The following PTPRQ variants were observed in gnomAD, a reference collection of about 807,000 sequenced individuals.
The protein encoded by PTPRQ is phosphatidylinositol phosphatase PTPRQ.
Under a neutral mutation model 246.0 loss-of-function variants are expected in PTPRQ, and 199 were observed. The ratio of observed to expected loss-of-function variants is 0.81; its 90% CI spans 0.72 to 0.91. The LOEUF (loss-of-function observed/expected upper bound fraction) is 0.91, where lower values mean the gene tolerates loss of function less well. PTPRQ is among the 40% of genes least tolerant of loss of function. The probability of loss-of-function intolerance (pLI) is 0.00; values close to 1 mark genes in which losing one functional copy is unlikely to be tolerated. For synonymous variants in PTPRQ, 869 were observed against 853.2 expected (o/e 1.02, Z -0.32); for missense variants, 2,624 against 2,528.4 (o/e 1.04, Z -0.81).
intron 39 of PTPRQ, among the ~76,000 whole-genome samples, chr12:80,659,119 A>C (rs1900545730): frequency 6.6e-6 from 1 of 152,084 alleles, no homozygotes; most frequent in South Asian, 2.1e-4. Context: ...AGAGAAGTGA[A>C]GGAAAGTTTA....
At chr12:80,523,270 C>T (rs1327197364) in intron 17 of PTPRQ, among the ~76,000 whole-genome samples, 1 of 152,164 alleles carries the variant, frequency 6.6e-6, no homozygotes, top group East Asian at 1.9e-4. Context: ...CTTTATTAGT[C>T]TTGCTAGTGG....
chr12:80,588,093 T>C (rs1406239744), intron 25 of PTPRQ, 36 bp from the exon 26 acceptor site: 2 of 1,481,966 alleles, frequency 1.3e-6, no homozygotes, highest in East Asian at 4.9e-5. Context: ...TGTTTGGTAA[T>C]TGTAACTGCT....
intron 25 of PTPRQ, chr12:80,561,606 G>A (rs894527988): frequency 3.3e-5 from 5 of 151,954 alleles, no homozygotes; most frequent in African/African-American, 1.2e-4. Flanking sequence ...TGATATGACT[G>A]CCTGCACAGC....
At chr12:80,507,461 T>G (rs1472066154) in intron 16 of PTPRQ, among the ~76,000 whole-genome samples, 1 of 151,886 alleles carries the variant, frequency 6.6e-6, no homozygotes. Flanking sequence ...TTCTTTCAAG[T>G]TTCCCCATCT....
rs545795030 is a variant in PTPRQ, at chr12:80,506,772, C to G, written c.2557+102C>G. 7.1e-5 allele frequency: 69 copies of G among 973,816 alleles called. No individual in the cohort carries two copies. The African/African-American group carries it at 1.0e-3, about 14-fold the overall frequency. The allele number at this position is 973,816 out of a possible 1,614,324, so 60.3% of individuals were successfully genotyped here. Reference sequence around the variant, plus strand: ...TAAAAACTCCTCTAGTCATGGGTATCAGTTGTGTACCATACCAGCGTTATA... The same window carrying G: ...TAAAAACTCCTCTAGTCATGGGTATGAGTTGTGTACCATACCAGCGTTATA... On this transcript the variant is annotated intron_variant, in intron 16 of 44. Coordinates refer to ENST00000644991, the MANE Select transcript of PTPRQ (RefSeq NM_001145026.2).
At chr12:80,640,483 A>C (rs1004196044) in intron 35 of PTPRQ, among the ~76,000 whole-genome samples, 6 of 152,192 alleles carry the variant, frequency 3.9e-5, no homozygotes, top group Non-Finnish European at 8.8e-5. Flanking sequence ...CTTAGAATGA[A>C]ATTGGAGATA....
chr12:80,559,643 TATAAATATTCCAGA>T (rs993954915), intron 25 of PTPRQ, among the ~76,000 whole-genome samples: 1 of 152,232 alleles, frequency 6.6e-6, no homozygotes, highest in Non-Finnish European at 1.5e-5. Flanking sequence ...ACTCTTCAGA[TATAAATATTCCAGA>T]ATTTCTCTTA....
chr12:80,464,228 G>C lies in PTPRQ; in HGVS notation c.910+3326G>C, dbSNP rs1381234743. On this transcript the variant is annotated intron_variant, in intron 6 of 44. Coordinates refer to ENST00000644991, the MANE Select transcript of PTPRQ (RefSeq NM_001145026.2). ...GGCAGGGGTTGCAATCCTAGTCTCT[G>C]ATAAAACAGACTTTAAACCAACAAA... 6.4e-5 allele frequency among the ~76,000 whole-genome samples: 9 copies of C among 141,356 alleles called. No individual in the cohort carries two copies. The Admixed American group carries it at 6.5e-4, about 10-fold the overall frequency. 92.7% of individuals were successfully genotyped at this position (141,356 alleles called of 152,430 possible). A position where few individuals can be genotyped will look rare whatever the true frequency, so the allele number is the denominator to read the frequency against.
At chr12:80,508,672 TTA>T (rs1895037658) in intron 16 of PTPRQ, among the ~76,000 whole-genome samples, 1 of 152,108 alleles carries the variant, frequency 6.6e-6, no homozygotes, top group Non-Finnish European at 1.5e-5. Context: ...AGATTGTATT[TTA>T]GAATACATGT....
intron 33 of PTPRQ, among the ~76,000 whole-genome samples, chr12:80,629,161 C>A (rs1282937538): frequency 3.4e-5 from 5 of 148,198 alleles, no homozygotes; most frequent in Non-Finnish European, 7.5e-5. Flanking sequence ...GGCACACACA[C>A]ACACACACAC....
chr12:80,506,179 A>G lies in PTPRQ; in HGVS notation c.2428A>G (p.Thr810Ala). The change falls in exon 15 of 45, where the codon ACA (threonine) becomes GCA (alanine). Residue 810 changes from threonine to alanine, a missense_variant. Transcript: ENST00000644991. ...SNGNEERTINTTSLTQNIKVL... is the reference protein window; with the variant it reads ...SNGNEERTINATSLTQNIKVL... ...TGGAAATGAGGAAAGAACTATAAATACAACCTCTTTAACCCAAAACATTAA... is the reference window on the plus strand; with the variant it reads ...TGGAAATGAGGAAAGAACTATAAATGCAACCTCTTTAACCCAAAACATTAA... 6.6e-7 allele frequency: 1 copy of G among 1,512,744 alleles called. No individual in the cohort carries two copies. The highest frequency in any genetic ancestry group is 1.3e-5 in the South Asian group (1 of 74,146). 93.7% of individuals were successfully genotyped at this position (1,512,744 alleles called of 1,614,324 possible).
intron 39 of PTPRQ, among the ~76,000 whole-genome samples, chr12:80,667,082 TA>T (rs1366723231): frequency 6.6e-6 from 1 of 151,988 alleles, no homozygotes; most frequent in African/African-American, 2.4e-5. Flanking sequence ...TTTTAGGACC[TA>T]AAGCACCACT....
chr12:80,646,293 G>T (rs1455341357), intron 35 of PTPRQ, among the ~76,000 whole-genome samples: 1 of 152,092 alleles, frequency 6.6e-6, no homozygotes, highest in African/African-American at 2.4e-5. Flanking sequence ...CTGAGGCACA[G>T]AAAAATTAAG....
At chr12:80,652,986 T>C (rs936360119) in intron 38 of PTPRQ, among the ~76,000 whole-genome samples, 152 bp downstream of exon 38, 1 of 152,188 alleles carries the variant, frequency 6.6e-6, no homozygotes, top group African/African-American at 2.4e-5. Flanking sequence ...ATATATCTTT[T>C]GCTTTGTTCA....
At chr12:80,639,916 A>G (rs1899793977) in intron 35 of PTPRQ, among the ~76,000 whole-genome samples, 1 of 152,136 alleles carries the variant, frequency 6.6e-6, no homozygotes, top group Non-Finnish European at 1.5e-5. Flanking sequence ...TTACAGATGG[A>G]TTAAAAAATG....
chr12:80,552,042 C>T lies in PTPRQ; in HGVS notation c.4285+2308C>T, dbSNP rs556600980. 2.0e-5 allele frequency among the ~76,000 whole-genome samples: 3 copies of T among 152,202 alleles called. No homozygotes were observed. The East Asian group carries it at 5.8e-4, about 29-fold the overall frequency. ...TAAAGCCTTTAATGGCATTTCTGGA[C>T]TTCATCCCAGACTTGCTGACTCATA... On this transcript the variant is annotated intron_variant, in intron 25 of 44. Coordinates refer to ENST00000644991, the MANE Select transcript of PTPRQ (RefSeq NM_001145026.2).
intron 8 of PTPRQ, among the ~76,000 whole-genome samples, chr12:80,481,653 A>G (rs1894062932): frequency 6.6e-6 from 1 of 152,120 alleles, no homozygotes; most frequent in Non-Finnish European, 1.5e-5. Flanking sequence ...AATCTCCTTA[A>G]TCTGATAAGC....
chr12:80,573,212 G>A lies in PTPRQ; in HGVS notation c.4286-14917G>A, dbSNP rs574214133. On this transcript the variant is annotated intron_variant, in intron 25 of 44. Coordinates refer to ENST00000644991, the MANE Select transcript of PTPRQ (RefSeq NM_001145026.2). ...TTTTAAAAAATTTTACTTTAGGGCC[G>A]GGCGCGGTGGCTCACGCCTGTAATC... 3.3e-5 allele frequency among the ~76,000 whole-genome samples: 5 copies of A among 152,100 alleles called. No homozygotes were observed. In the East Asian group the frequency reaches 5.8e-4, roughly 18 times the overall value.
In PTPRQ at chr12:80,619,424, T is replaced by C; in HGVS notation, c.5271T>C (p.Asp1757=). 6.5e-7 allele frequency: 1 copy of C among 1,548,148 alleles called. No homozygotes were observed. Among genetic ancestry groups the C allele is most frequent in the South Asian group, 1.2e-5 (1 of 83,862 alleles). ...RPKTKPTPIY[D]ATGKLLVTST... is the part of the protein sequence containing the mutation. ...AAACCAAACCAACCCCTATTTATGA[T>C]GCCACAGGAAAACTGCTTGTGACTT... Residue 1757 remains aspartate (D), a synonymous_variant, in exon 31 of 45, where the codon GAT becomes GAC. Coordinates refer to ENST00000644991, the MANE Select transcript of PTPRQ (RefSeq NM_001145026.2).
Sources: gnomAD v4.1 joint callset for allele counts (sites outside exome capture counted in the v4.1 genomes callset) on GRCh38, gnomAD v4.1.1 for gene constraint, MANE v1.5 for transcripts, NCBI Gene and HGNC (gene_info 2026-07-23, HGNC 2026-07-21) for gene names.